Variants in SLF1 observed in about 807,000 individuals in gnomAD.
The protein encoded by SLF1 is SMC5/6 complex localization factor 1.
SLF1 carries 105 observed loss-of-function variants against 123.0 expected under a neutral mutation model. The ratio of observed to expected loss-of-function variants is 0.85; its 90% CI spans 0.73 to 1.00. The LOEUF (loss-of-function observed/expected upper bound fraction) is 1.00. Ranked by LOEUF, SLF1 falls within the 50% of genes least tolerant of loss-of-function variation. SLF1 has a pLI of 0.00. For missense variants in SLF1, 1,239 were observed against 1,223.0 expected, an observed-to-expected ratio of 1.01 and a Z score of -0.20; for synonymous variants, 434 against 406.6, an observed-to-expected ratio of 1.07 and a Z score of -0.81.
At chr5:94,628,074 G>A (rs552116223) in intron 1 of SLF1, among the ~76,000 whole-genome samples, 4 of 151,974 alleles carry the variant, frequency 2.6e-5, no homozygotes, top group Admixed American at 6.6e-5. Context: ...TAATCTGCCC[G>A]CCTCGGCCTC....
chr5:94,653,613 A>AG (rs1748014125), intron 8 of SLF1, among the ~76,000 whole-genome samples, 192 bp downstream of exon 8: 1 of 152,210 alleles, frequency 6.6e-6, no homozygotes, highest in South Asian at 2.1e-4. Flanking sequence ...AAGAAATCTG[A>AG]GTTAATAATC....
intron 9 of SLF1, among the ~76,000 whole-genome samples, chr5:94,658,536 C>G (rs962175927): frequency 1.3e-5 from 2 of 151,682 alleles, no homozygotes; most frequent in Non-Finnish European, 2.9e-5. Context: ...CTGTTGTCAC[C>G]CTGATTGGGA....
Position 94,694,936 on chromosome 5 carries a change from A to G in SLF1, c.2801A>G (p.Asp934Gly). 6.2e-7 allele frequency: 1 copy of G among 1,612,496 alleles called. No homozygotes were observed. The highest frequency in any genetic ancestry group is 8.5e-7 in the Non-Finnish European group (1 of 1,179,098). The change falls in exon 21 of 21, where the codon GAT becomes GGT. Residue 934 changes from aspartate to glycine, a missense_variant. Transcript: ENST00000265140. ...CTGTTTGCTATTACAAAAATAGAAGATACAGTGGAGAACTTTCATGCACAA... is the reference window on the plus strand; with the variant it reads ...CTGTTTGCTATTACAAAAATAGAAGGTACAGTGGAGAACTTTCATGCACAA... ...EELFAITKIE[D>G]TVENFHAQAE...
chr5:94,644,681 G>A (rs1746810367), intron 5 of SLF1, among the ~76,000 whole-genome samples: 1 of 152,138 alleles, frequency 6.6e-6, no homozygotes, highest in African/African-American at 2.4e-5. Flanking sequence ...CTGTTACAAT[G>A]TTACTCTACA....
chr5:94,665,752 CAAAA>C lies in SLF1; in HGVS notation c.1369-106_1369-103del, dbSNP rs1314237525. ...TGGGTGACAGAGCCAGACTCCGTCTCAAAAAAGAAAGTTAGGCCAGGGTTACTGT... is the reference window on the plus strand; with the variant it reads ...TGGGTGACAGAGCCAGACTCCGTCTCAAGAAAGTTAGGCCAGGGTTACTGT... On this transcript the variant is annotated intron_variant, in intron 11 of 20. Transcript: ENST00000265140. 3 of 1,043,636 alleles carry C rather than the reference CAAAA, an allele frequency of 2.9e-6. No homozygotes were observed. In the African/African-American group the frequency reaches 4.9e-5, roughly 17 times the overall value. 64.6% of individuals were successfully genotyped at this position (1,043,636 alleles called of 1,614,324 possible).
chr5:94,657,147 T>C (rs1322308260), intron 9 of SLF1, among the ~76,000 whole-genome samples: 2 of 151,676 alleles, frequency 1.3e-5, no homozygotes, highest in Non-Finnish European at 3.0e-5. Flanking sequence ...GTTGATTATT[T>C]GAGATCTTTC....
intron 1 of SLF1, among the ~76,000 whole-genome samples, chr5:94,619,901 T>A (rs1791537733): frequency 6.6e-6 from 1 of 152,136 alleles, no homozygotes; most frequent in African/African-American, 2.4e-5. Flanking sequence ...CTTTCTTTCT[T>A]TGACAGAGCC....
At chr5:94,631,749 T>A (rs1222837907) in intron 4 of SLF1, among the ~76,000 whole-genome samples, 3 of 152,202 alleles carry the variant, frequency 2.0e-5, no homozygotes, top group Non-Finnish European at 4.4e-5. Flanking sequence ...TTTTCAGTTC[T>A]CTTGGGAAAT....
chr5:94,649,282 T>A (rs1453389490), intron 5 of SLF1, among the ~76,000 whole-genome samples, 172 bp from the exon 6 acceptor site: 1 of 152,190 alleles, frequency 6.6e-6, no homozygotes, highest in Non-Finnish European at 1.5e-5. Context: ...CTATCATGAT[T>A]TTTTCCCTGA....
At chr5:94,642,829 T>A (rs1380423665) in intron 4 of SLF1, among the ~76,000 whole-genome samples, 4 of 152,150 alleles carry the variant, frequency 2.6e-5, no homozygotes, top group East Asian at 1.9e-4. Context: ...AATTTTTTTT[T>A]AAGTAGTTCA....
rs369376486 is a variant in SLF1 at position 94,686,733 on chromosome 5, A to G, written c.2121+15A>G. 1,266 of 1,591,980 alleles carry G rather than the reference A, an allele frequency of 8.0e-4. 10 individuals carry two copies. In the South Asian group the frequency reaches 8.9e-3, roughly 11 times the overall value. Reference sequence around the variant, plus strand: ...TTCAGAAAATGGTAAGTACCTCTCTATTCTGGTTCTTTACATTTTCAAGAA... The same window carrying G: ...TTCAGAAAATGGTAAGTACCTCTCTGTTCTGGTTCTTTACATTTTCAAGAA... On this transcript the variant is annotated intron_variant, in intron 16 of 20. Coordinates refer to ENST00000265140, the MANE Select transcript of SLF1 (RefSeq NM_032290.4).
At chr5:94,648,856 C>A (rs544603905) in intron 5 of SLF1, among the ~76,000 whole-genome samples, 2 of 152,222 alleles carry the variant, frequency 1.3e-5, no homozygotes, top group South Asian at 4.1e-4. Context: ...ACTAAACTTA[C>A]AGAATTATAT....
chr5:94,686,746 A>C, intron 16 of SLF1, 28 bp downstream of exon 16: 1 of 1,578,680 alleles, frequency 6.3e-7, no homozygotes, highest in Non-Finnish European at 8.6e-7. Flanking sequence ...CTGGTTCTTT[A>C]CATTTTCAAG....
intron 6 of SLF1, among the ~76,000 whole-genome samples, chr5:94,649,836 AACACATGG>A (rs1431716975): frequency 2.6e-5 from 4 of 152,184 alleles, no homozygotes; most frequent in African/African-American, 9.6e-5. Flanking sequence ...GTGCGTTCTC[AACACATGG>A]TAATTACTTA....
chr5:94,638,795 G>C (rs1461716571), intron 4 of SLF1, among the ~76,000 whole-genome samples: 1 of 152,254 alleles, frequency 6.6e-6, no homozygotes, highest in South Asian at 2.1e-4. Context: ...AATTGGATTT[G>C]TCTGATACTA....
rs1753529291 is a variant in SLF1, at chr5:94,696,676, C to G, written c.*1364C>G. On this transcript the variant is annotated 3_prime_UTR_variant, in exon 21 of 21. Coordinates refer to ENST00000265140, the MANE Select transcript of SLF1 (RefSeq NM_032290.4). ...CTCTTTACTTCACTTGTAAAGGTGT[C>G]TGGGATAGTGTTTGCTTGGTAAACT... The G allele has an allele frequency of 6.6e-6, 1 of 151,794 alleles. No homozygotes were observed. Among genetic ancestry groups the G allele is most frequent in the African/African-American group, 2.4e-5 (1 of 41,390 alleles). The allele number at this position is 151,794 out of a possible 1,614,324, so 9.4% of individuals were successfully genotyped here.
chr5:94,654,407 AAAG>A (rs918996509), intron 8 of SLF1, among the ~76,000 whole-genome samples: 3 of 151,842 alleles, frequency 2.0e-5, no homozygotes, highest in East Asian at 3.9e-4. Context: ...AAAAAAAAAA[AAAG>A]AAAGTACATA....
intron 4 of SLF1, among the ~76,000 whole-genome samples, chr5:94,638,069 G>C (rs1038085825): frequency 6.6e-6 from 1 of 152,146 alleles, no homozygotes; most frequent in Non-Finnish European, 1.5e-5. Context: ...GCTGTTGACT[G>C]ATACCTCTGA....
chr5:94,675,272 G>C (rs1480217228), intron 14 of SLF1, among the ~76,000 whole-genome samples: 1 of 152,174 alleles, frequency 6.6e-6, no homozygotes, highest in African/African-American at 2.4e-5. Context: ...AGAATGTCTG[G>C]TAATAGAGTT....
Sources: gnomAD v4.1 joint callset for allele counts (sites outside exome capture counted in the v4.1 genomes callset) on GRCh38, gnomAD v4.1.1 for gene constraint, MANE v1.5 for transcripts, NCBI Gene and HGNC (gene_info 2026-07-23, HGNC 2026-07-21) for gene names.